The following ARHGAP6 variants were observed in gnomAD, a reference collection of about 807,000 sequenced individuals.
ARHGAP6 encodes the protein Rho GTPase activating protein 6.
In ARHGAP6, 16 loss-of-function variants were observed where a neutral mutation model predicts 55.7. The observed-to-expected ratio is 0.29, with a 90% CI of 0.19 to 0.44. ARHGAP6 has a LOEUF of 0.44. Among genes scored for constraint, ARHGAP6 ranks in the 20% least tolerant of loss-of-function variants. The probability of loss-of-function intolerance (pLI) is 1.00; values close to 1 mark genes in which losing one functional copy is unlikely to be tolerated. For missense variants in ARHGAP6, 698 were observed against 808.9 expected, an observed-to-expected ratio of 0.86 and a Z score of 1.66; for synonymous variants, 382 against 360.9, an observed-to-expected ratio of 1.06 and a Z score of -0.66.
chrX:11,378,084 A>G (rs2049222842), intron 1 of ARHGAP6, among the ~76,000 whole-genome samples: 1 of 111,970 alleles, frequency 8.9e-6, no homozygotes, highest in Admixed American at 9.4e-5. Context: ...CGCTGCGTAT[A>G]GTGTCATCTG....
chrX:11,646,432 C>A lies in ARHGAP6; in HGVS notation c.588+17809G>T, dbSNP rs768413577. Among the ~76,000 whole-genome samples, 4 of 111,283 alleles carry A rather than the reference C, an allele frequency of 3.6e-5. No homozygotes were observed. The Admixed American group carries it at 3.8e-4, about 11-fold the overall frequency. On this transcript the variant is annotated intron_variant, in intron 1 of 12. Transcript: ENST00000337414. ...AGGAGACAAGTCTTGGGGGTCATTTCAATACAGAATATAAACGCTGAGGAA... is the reference window on the plus strand; with the variant it reads ...AGGAGACAAGTCTTGGGGGTCATTTAAATACAGAATATAAACGCTGAGGAA...
intron 1 of ARHGAP6, among the ~76,000 whole-genome samples, chrX:11,527,011 AGTGTGTGTGTGTGTGTGTGT>A (rs59668043): frequency 4.9e-5 from 4 of 81,061 alleles, no homozygotes; most frequent in African/African-American, 9.0e-5. Context: ...TAATATGAGG[AGTGTGTGTGTGTGTGTGTGT>A]GTGTGTGTGT....
chrX:11,587,699 G>A (rs1307652653), intron 1 of ARHGAP6, among the ~76,000 whole-genome samples: 1 of 112,256 alleles, frequency 8.9e-6, no homozygotes, highest in Non-Finnish European at 1.9e-5. Flanking sequence ...TCATCCCTGG[G>A]AAGAAGTTTG....
At chrX:11,250,245 G>C (rs2047406013) in intron 2 of ARHGAP6, among the ~76,000 whole-genome samples, 1 of 111,965 alleles carries the variant, frequency 8.9e-6, no homozygotes, top group Non-Finnish European at 1.9e-5. Context: ...GAAAAATTCT[G>C]TTGGTACTTT....
At chrX:11,174,743 A>G (rs1569241771) in intron 8 of ARHGAP6, among the ~76,000 whole-genome samples, 1 of 102,457 alleles carries the variant, frequency 9.8e-6, no homozygotes, top group Non-Finnish European at 2.0e-5. Context: ...GCTGGAGTGC[A>G]GTGGCGTGAT....
At chrX:11,292,768 T>C (rs1346860585) in intron 1 of ARHGAP6, among the ~76,000 whole-genome samples, 1 of 112,487 alleles carries the variant, frequency 8.9e-6, no homozygotes, top group East Asian at 2.8e-4. Context: ...CTTAAGTTCC[T>C]GATTGTTTTT....
chrX:11,271,858 A>G lies in ARHGAP6; in HGVS notation c.589-17151T>C, dbSNP rs1049235852. On this transcript the variant is annotated intron_variant, in intron 1 of 12. Transcript: ENST00000337414. ...ATATGCGGCTACATTTCTAGGCTGC[A>G]GAAAAAGTCTAGCATTAATGATATT... Among the ~76,000 whole-genome samples the G allele has an allele frequency of 4.5e-5, 5 of 112,173 alleles. No homozygotes were observed. The East Asian group carries it at 8.4e-4, about 19-fold the overall frequency.
At chrX:11,387,769 G>C (rs1015059497) in intron 1 of ARHGAP6, among the ~76,000 whole-genome samples, 2 of 110,015 alleles carry the variant, frequency 1.8e-5, no homozygotes, top group Admixed American at 1.9e-4. Flanking sequence ...TGTTCTTATT[G>C]TTCAATTCCC....
chrX:11,282,073 G>T (rs2047862402), intron 1 of ARHGAP6, among the ~76,000 whole-genome samples: 1 of 111,917 alleles, frequency 8.9e-6, no homozygotes, highest in African/African-American at 3.3e-5. Flanking sequence ...TTCAAATCCA[G>T]TTGTGGTGTG....
intron 1 of ARHGAP6, among the ~76,000 whole-genome samples, chrX:11,414,480 C>G (rs1321043609): frequency 9.2e-6 from 1 of 108,843 alleles, no homozygotes; most frequent in African/African-American, 3.3e-5. Context: ...TTTGTTGACC[C>G]CTGATTTAAG....
chrX:11,518,462 CTTTTT>C (rs368595944), intron 1 of ARHGAP6, among the ~76,000 whole-genome samples: 1 of 74,928 alleles, frequency 1.3e-5, no homozygotes, highest in Admixed American at 1.6e-4. Context: ...TTTTTTTTTT[CTTTTT>C]TTTTTTTTTT....
At chrX:11,355,962 TA>T (rs1329952089) in intron 1 of ARHGAP6, among the ~76,000 whole-genome samples, 2 of 111,739 alleles carry the variant, frequency 1.8e-5, no homozygotes, top group Non-Finnish European at 3.8e-5. Flanking sequence ...ATGCTAGTCC[TA>T]TTCTAATGAC....
chrX:11,468,235 T>C (rs1265703387), intron 1 of ARHGAP6, among the ~76,000 whole-genome samples: 1 of 111,602 alleles, frequency 9.0e-6, no homozygotes, highest in African/African-American at 3.3e-5. Flanking sequence ...TTTGTATACT[T>C]TTGTGTGTAT....
At chrX:11,660,116 C>T (rs1397634986) in intron 1 of ARHGAP6, among the ~76,000 whole-genome samples, 1 of 111,896 alleles carries the variant, frequency 8.9e-6, no homozygotes, top group African/African-American at 3.3e-5. Flanking sequence ...ATCCTGCACA[C>T]AGCAAGATAC....
At chrX:11,290,353 G>T in intron 1 of ARHGAP6, 1 of 348,291 alleles carries the variant, frequency 2.9e-6, no homozygotes, top group Non-Finnish European at 5.6e-6. Flanking sequence ...AGGTACCAAG[G>T]AGCTCCCAAG....
intron 1 of ARHGAP6, among the ~76,000 whole-genome samples, chrX:11,371,365 T>C (rs1569318703): frequency 8.9e-6 from 1 of 112,035 alleles, no homozygotes; most frequent in Non-Finnish European, 1.9e-5. Flanking sequence ...CTATGACTGT[T>C]TTTGTACTCA....
intron 1 of ARHGAP6, among the ~76,000 whole-genome samples, chrX:11,491,788 C>T (rs1212393069): frequency 9.1e-6 from 1 of 110,308 alleles, no homozygotes; most frequent in African/African-American, 3.3e-5. Flanking sequence ...GGAATCGCCA[C>T]ACTGACTTCC....
chrX:11,664,460 C>G lies in ARHGAP6; in HGVS notation c.369G>C (p.Glu123Asp). 8.3e-7 allele frequency: 1 copy of G among 1,211,409 alleles called. No homozygotes were observed. The highest frequency in any genetic ancestry group is 1.8e-5 in the South Asian group (1 of 56,715). The change falls in exon 1 of 13, where the codon GAG becomes GAC. Residue 123 changes from glutamate to aspartate, a missense_variant. Around this residue, in one of 3 missense-constraint regions of ARHGAP6, gnomAD observed 164 missense variants for 149.2 expected, o/e 1.10. Transcript: ENST00000337414. Reference protein sequence around the residue: ...SPSGSFHFDYEVPLGRGGLKK... With the variant: ...SPSGSFHFDYDVPLGRGGLKK... ...TGAGGCCGCCGCGACCCAGGGGAAC[C>G]TCATAGTCAAAGTGAAAGCTGCCGG... is the stretch of plus-strand genomic sequence containing the variant.
intron 1 of ARHGAP6, among the ~76,000 whole-genome samples, chrX:11,638,588 G>A (rs2052441921): frequency 9.0e-6 from 1 of 111,261 alleles, no homozygotes. Flanking sequence ...AGAACAAGGA[G>A]TCAACAAGCA....
Sources: gnomAD v4.1 joint callset for allele counts (sites outside exome capture counted in the v4.1 genomes callset) on GRCh38, gnomAD v4.1.1 for gene constraint, gnomAD v4.1.1 regional missense constraint, MANE v1.5 for transcripts, NCBI Gene and HGNC (gene_info 2026-07-23, HGNC 2026-07-21) for gene names.